Variants in SLC7A1 observed in about 807,000 individuals in gnomAD.
SLC7A1 encodes the protein solute carrier family 7 member 1.
SLC7A1 carries 10 observed loss-of-function variants against 53.9 expected under a neutral mutation model. The observed-to-expected ratio is 0.19, with a 90% CI of 0.11 to 0.31. SLC7A1 has a LOEUF of 0.31. SLC7A1 is among the 10% of genes least tolerant of loss of function. The probability of loss-of-function intolerance (pLI) is 1.00; values close to 1 mark genes in which losing one functional copy is unlikely to be tolerated. For missense variants in SLC7A1, 525 were observed against 827.2 expected, an observed-to-expected ratio of 0.63 and a Z score of 4.48; for synonymous variants, 342 against 338.7, an observed-to-expected ratio of 1.01 and a Z score of -0.11.
Position 29,595,646 on chromosome 13 carries a change from C to G in SLC7A1, c.-345G>C, listed in dbSNP as rs1417626493. ...CCTGCCTGCGCGGACTGAATGGGCG[C>G]CGAGGGCTGGCGGGTTCCGGCGCCA... is the stretch of plus-strand genomic sequence containing the variant. On this transcript the variant is annotated 5_prime_UTR_variant, in exon 1 of 13. Transcript: ENST00000380752. 3 of 151,138 alleles carry G rather than the reference C, an allele frequency of 2.0e-5. No homozygotes were observed. The highest frequency in any genetic ancestry group is 7.3e-5 in the African/African-American group (3 of 41,306). The allele number at this position is 151,138 out of a possible 1,614,324, so 9.4% of individuals were successfully genotyped here.
chr13:29,552,122 C>T (rs1593561424), intron 2 of SLC7A1, among the ~76,000 whole-genome samples: 1 of 151,950 alleles, frequency 6.6e-6, no homozygotes, highest in East Asian at 1.9e-4. Flanking sequence ...AGTATGTGTG[C>T]ATTCCTAATA....
chr13:29,585,684 T>G (rs1389105180), intron 1 of SLC7A1, among the ~76,000 whole-genome samples: 1 of 152,076 alleles, frequency 6.6e-6, no homozygotes. Context: ...AATCCTGTGC[T>G]AAGCTGACAG....
intron 1 of SLC7A1, among the ~76,000 whole-genome samples, chr13:29,590,967 G>A (rs529896407): frequency 3.9e-5 from 6 of 152,162 alleles, no homozygotes; most frequent in South Asian, 4.2e-4. Context: ...AAAATTAGCC[G>A]GGTGTGGTGG....
At chr13:29,579,355 C>A (rs1384902395) in intron 1 of SLC7A1, among the ~76,000 whole-genome samples, 1 of 146,872 alleles carries the variant, frequency 6.8e-6, no homozygotes, top group African/African-American at 2.5e-5. Flanking sequence ...GATAAGCATC[C>A]ACTAGCAATT....
At chr13:29,515,658 C>T (rs2139065341) in intron 12 of SLC7A1, among the ~76,000 whole-genome samples, 1 of 152,340 alleles carries the variant, frequency 6.6e-6, no homozygotes, top group East Asian at 1.9e-4. Context: ...CTACAGGCTG[C>T]ACCCACCCCT....
intron 2 of SLC7A1, among the ~76,000 whole-genome samples, chr13:29,549,344 C>A (rs57383892): frequency 1.3e-5 from 2 of 152,138 alleles, no homozygotes; most frequent in Admixed American, 6.5e-5. Context: ...TCCTTCCCAC[C>A]GCATGAGAGT....
At chr13:29,517,369 G>GCATC (rs1263852115) in intron 10 of SLC7A1, 59 bp from the exon 11 acceptor site, 1 of 1,528,470 alleles carries the variant, frequency 6.5e-7, no homozygotes, top group Non-Finnish European at 8.9e-7. Flanking sequence ...TTTCCCACAG[G>GCATC]CATCCACTGT....
intron 1 of SLC7A1, among the ~76,000 whole-genome samples, chr13:29,585,213 C>T (rs1176008547): frequency 6.6e-6 from 1 of 152,152 alleles, no homozygotes; most frequent in African/African-American, 2.4e-5. Context: ...CAAAAAGAAA[C>T]CTTGACTCTT....
chr13:29,587,284 A>C (rs1262098246), intron 1 of SLC7A1, among the ~76,000 whole-genome samples: 2 of 152,200 alleles, frequency 1.3e-5, no homozygotes, highest in East Asian at 1.9e-4. Context: ...GAAAGGGGAG[A>C]GCCACTCTCA....
chr13:29,545,386 C>T (rs1315482167), intron 2 of SLC7A1, among the ~76,000 whole-genome samples: 3 of 152,074 alleles, frequency 2.0e-5, no homozygotes, highest in Admixed American at 1.3e-4. Context: ...TACCACTCTT[C>T]CTGTCCAGGT....
chr13:29,585,341 G>C (rs1408804513), intron 1 of SLC7A1, among the ~76,000 whole-genome samples: 1 of 152,176 alleles, frequency 6.6e-6, no homozygotes. Context: ...TGGCTCATAT[G>C]TCTAAACCTA....
chr13:29,590,356 G>A (rs1872057487), intron 1 of SLC7A1, among the ~76,000 whole-genome samples: 1 of 152,056 alleles, frequency 6.6e-6, no homozygotes, highest in Admixed American at 6.5e-5. Context: ...CTCCCGTCCT[G>A]CCCCCCACCA....
chr13:29,518,291 C>T (rs748735575), intron 9 of SLC7A1, among the ~76,000 whole-genome samples: 1 of 152,156 alleles, frequency 6.6e-6, no homozygotes, highest in Non-Finnish European at 1.5e-5. Context: ...ACTCCAAGTA[C>T]CTTAGGGTAA....
chr13:29,545,071 G>C (rs146046899), intron 2 of SLC7A1, among the ~76,000 whole-genome samples: 22 of 152,258 alleles, frequency 1.4e-4, no homozygotes, highest in African/African-American at 5.3e-4. Flanking sequence ...ACCCACTTTT[G>C]TCTCAGGTAA....
chr13:29,584,207 G>A lies in SLC7A1; in HGVS notation c.-115+11209C>T, dbSNP rs943006248. Among the ~76,000 whole-genome samples, 11 of 151,484 alleles carry A rather than the reference G, an allele frequency of 7.3e-5. No individual in the cohort carries two copies. The East Asian group carries it at 1.9e-3, about 27-fold the overall frequency. On this transcript the variant is annotated intron_variant, in intron 1 of 12. Transcript: ENST00000380752. ...CGTCTCACTGCAACCTCCACCTCCT[G>A]GGCTTAAGTGATTCTCCTGCCTCAA...
chr13:29,519,330 A>T, intron 9 of SLC7A1, 117 bp downstream of exon 9: 1 of 618,254 alleles, frequency 1.6e-6, no homozygotes, highest in Non-Finnish European at 2.9e-6. Flanking sequence ...GGCAGCTCCC[A>T]ATGGAGCTAT....
intron 1 of SLC7A1, among the ~76,000 whole-genome samples, chr13:29,567,618 T>G (rs1210578028): frequency 2.0e-5 from 3 of 152,162 alleles, no homozygotes; most frequent in African/African-American, 4.8e-5. Flanking sequence ...CCTGCCACAC[T>G]CCTGGGTGTT....
Position 29,523,462 on chromosome 13 carries a change from C to T in SLC7A1, c.853G>A (p.Ala285Thr). ...TGEEVKNPQKAIPVGIVASLL... is the reference protein window; with the variant it reads ...TGEEVKNPQKTIPVGIVASLL... ...GACGCCACGATCCCCACGGGGATGG[C>T]CTTCTGTGGGTTCTTCACCTCTTCA... is the stretch of plus-strand genomic sequence containing the variant. The change falls in exon 7 of 13, where the codon GCC becomes ACC. Residue 285 changes from alanine to threonine, a missense_variant. Coordinates refer to ENST00000380752, the MANE Select transcript of SLC7A1 (RefSeq NM_003045.5). 6.2e-7 allele frequency: 1 copy of T among 1,613,874 alleles called. No individual in the cohort carries two copies. Among genetic ancestry groups the T allele is most frequent in the South Asian group, 1.1e-5 (1 of 91,082 alleles).
intron 2 of SLC7A1, among the ~76,000 whole-genome samples, chr13:29,545,186 C>G (rs1869859372): frequency 6.6e-6 from 1 of 152,076 alleles, no homozygotes; most frequent in Admixed American, 6.6e-5. Context: ...ATTTGTTTCT[C>G]TAAATGAATA....
Sources: allele counts gnomAD v4.1 joint callset (sites outside exome capture counted in the v4.1 genomes callset), GRCh38; gene constraint gnomAD v4.1.1; transcripts MANE v1.5; gene names NCBI Gene and HGNC (gene_info 2026-07-23, HGNC 2026-07-21).